Variants in HDAC4 observed in about 807,000 individuals in gnomAD.
HDAC4 encodes histone deacetylase 4, also known as histone deacetylase A.
HDAC4 carries 16 observed loss-of-function variants against 135.1 expected under a neutral mutation model. The ratio of observed to expected loss-of-function variants is 0.12; its 90% CI spans 0.08 to 0.18. HDAC4 has a LOEUF of 0.18. Among genes scored for constraint, HDAC4 ranks in the 10% least tolerant of loss-of-function variants. HDAC4 has a pLI of 1.00. For synonymous variants in HDAC4, 685 were observed against 653.4 expected (o/e 1.05, Z -0.74); for missense variants, 1,143 against 1,511.8 (o/e 0.76, Z 4.05).
chr2:239,134,493 C>G (rs1263546943), intron 10 of HDAC4, 34 bp downstream of exon 10: 3 of 1,612,788 alleles, frequency 1.9e-6, no homozygotes, highest in East Asian at 2.2e-5. Context: ...TCACCACCAC[C>G]CCACACCACA....
At chr2:239,185,768 C>T (rs907471359) in intron 4 of HDAC4, among the ~76,000 whole-genome samples, 7 of 152,176 alleles carry the variant, frequency 4.6e-5, no homozygotes, top group Non-Finnish European at 8.8e-5. Context: ...CAGTGGCTCA[C>T]GCCTGTAAAC....
chr2:239,204,048 A>G (rs941705874), intron 3 of HDAC4, among the ~76,000 whole-genome samples: 3 of 152,198 alleles, frequency 2.0e-5, no homozygotes, highest in Non-Finnish European at 4.4e-5. Flanking sequence ...AAAGCTCTTC[A>G]TAGTGTAGGA....
chr2:239,063,776 G>A (rs1179697559), intron 24 of HDAC4, among the ~76,000 whole-genome samples: 1 of 152,192 alleles, frequency 6.6e-6, no homozygotes, highest in Admixed American at 6.5e-5. Context: ...CCTGCCCTTG[G>A]CGTCCTCTAC....
rs746764988 is a variant in HDAC4 at position 239,163,849 on chromosome 2, G to T, written c.565C>A (p.Arg189=). Residue 189 remains arginine, a synonymous_variant, in exon 6 of 27, where the codon CGG becomes AGG. Coordinates refer to ENST00000543185, the MANE Select transcript of HDAC4 (RefSeq NM_001378414.1). ...CTGGAAATGCAGTGGTTCAGATTCC[G>T]GTGGGCCAGCGCCTTCTTTTTATTG... ...VLNKKKALAH[R]NLNHCISSDP... The T allele has an allele frequency of 8.1e-6, 13 of 1,614,012 alleles. No individual in the cohort carries two copies. The African/African-American group carries it at 1.6e-4, about 20-fold the overall frequency.
At chr2:239,301,000 C>A (rs1450164236) in intron 2 of HDAC4, among the ~76,000 whole-genome samples, 1 of 152,252 alleles carries the variant, frequency 6.6e-6, no homozygotes, top group African/African-American at 2.4e-5. Context: ...TCCAGAAGGA[C>A]AAGCCCTGCC....
At chr2:239,111,449 G>C in intron 14 of HDAC4, 77 bp downstream of exon 14, 1 of 1,419,004 alleles carries the variant, frequency 7.0e-7, no homozygotes, top group South Asian at 1.2e-5. Context: ...TGCAGAGCTG[G>C]GCCGGGAAGA....
At chr2:239,237,309 A>G (rs530811592) in intron 2 of HDAC4, among the ~76,000 whole-genome samples, 57 of 152,088 alleles carry the variant, frequency 3.7e-4, no homozygotes, top group Non-Finnish European at 6.3e-4. Context: ...CTGGATTTAG[A>G]CCGCCTGGGA....
intron 3 of HDAC4, among the ~76,000 whole-genome samples, chr2:239,200,930 C>T (rs2045717754): frequency 6.6e-6 from 1 of 152,166 alleles, no homozygotes; most frequent in Non-Finnish European, 1.5e-5. Flanking sequence ...CTGAGAACTG[C>T]AGCAGAGGAG....
chr2:239,084,788 A>C (rs572337103), intron 19 of HDAC4, among the ~76,000 whole-genome samples: 36 of 144,426 alleles, frequency 2.5e-4, no homozygotes, highest in African/African-American at 8.9e-4. Flanking sequence ...ACACAGACAC[A>C]CACCCCACAC....
intron 2 of HDAC4, among the ~76,000 whole-genome samples, chr2:239,284,605 A>C (rs1409038308): frequency 1.3e-5 from 2 of 152,198 alleles, no homozygotes; most frequent in African/African-American, 4.8e-5. Flanking sequence ...GGTGAAAGGC[A>C]AGATGCCCCT....
rs983913796 is a variant in HDAC4 at position 239,049,345 on chromosome 2, A to G, written c.*3752T>C. On this transcript the variant is annotated 3_prime_UTR_variant, in exon 27 of 27. Transcript: ENST00000543185. ...TGTCATGAGAGGGGAACAGAAAGGC[A>G]TTTTTCTTCTTCCCCAAAGCTGCCG... The G allele has an allele frequency of 3.3e-5, 5 of 152,524 alleles. No homozygotes were observed. Among genetic ancestry groups the G allele is most frequent in the Non-Finnish European group, 5.9e-5 (4 of 68,014 alleles). 9.4% of individuals were successfully genotyped at this position (152,524 alleles called of 1,614,324 possible).
At chr2:239,247,320 C>T (rs1177053716) in intron 2 of HDAC4, among the ~76,000 whole-genome samples, 1 of 152,240 alleles carries the variant, frequency 6.6e-6, no homozygotes, top group Non-Finnish European at 1.5e-5. Flanking sequence ...CCGCATCTAC[C>T]CTCCACCTGG....
At chr2:239,056,912 G>C (rs1291536370) in intron 24 of HDAC4, among the ~76,000 whole-genome samples, 1 of 152,212 alleles carries the variant, frequency 6.6e-6, no homozygotes, top group African/African-American at 2.4e-5. Context: ...ACTCAAACAT[G>C]AACTGAAGGG....
chr2:239,244,809 T>A (rs534179558), intron 2 of HDAC4, among the ~76,000 whole-genome samples: 5 of 152,098 alleles, frequency 3.3e-5, no homozygotes, highest in Non-Finnish European at 7.4e-5. Flanking sequence ...CTCCCTCCAC[T>A]GTGCGGCCCA....
At chr2:239,195,789 G>A (rs2045341061) in intron 3 of HDAC4, among the ~76,000 whole-genome samples, 1 of 152,238 alleles carries the variant, frequency 6.6e-6, no homozygotes, top group Non-Finnish European at 1.5e-5. Flanking sequence ...TCAGACTCCT[G>A]ACGTCAGTGA....
chr2:239,225,695 C>T (rs538364807), intron 3 of HDAC4, among the ~76,000 whole-genome samples: 2 of 151,682 alleles, frequency 1.3e-5, no homozygotes, highest in East Asian at 2.0e-4. Flanking sequence ...CTTCCTCAGG[C>T]GCCTGACTAA....
Position 239,048,927 on chromosome 2 carries a change from G to A in HDAC4, c.*4170C>T, listed in dbSNP as rs1472162646. 2.6e-5 allele frequency: 4 copies of A among 152,238 alleles called. No individual in the cohort carries two copies. Among genetic ancestry groups the A allele is most frequent in the African/African-American group, 9.6e-5 (4 of 41,476 alleles). 9.4% of individuals were successfully genotyped at this position (152,238 alleles called of 1,614,324 possible). A position where few individuals can be genotyped will look rare whatever the true frequency, so the allele number is the denominator to read the frequency against. On this transcript the variant is annotated 3_prime_UTR_variant, in exon 27 of 27. Coordinates refer to ENST00000543185, the MANE Select transcript of HDAC4 (RefSeq NM_001378414.1). ...AAGGGGACTCTTTCGAGTCCGCCCAGTTCTCAATCAGAATAAACCGTCACA... is the reference window on the plus strand; with the variant it reads ...AAGGGGACTCTTTCGAGTCCGCCCAATTCTCAATCAGAATAAACCGTCACA...
chr2:239,185,258 A>T (rs2044469962), intron 4 of HDAC4, among the ~76,000 whole-genome samples: 3 of 150,592 alleles, frequency 2.0e-5, no homozygotes, highest in Admixed American at 2.0e-4. Flanking sequence ...GTTGTGCCCT[A>T]TAGGGGTGCC....
intron 21 of HDAC4, 51 bp from the exon 22 acceptor site, chr2:239,081,243 T>C (rs2035291850): frequency 6.7e-7 from 1 of 1,497,438 alleles, no homozygotes; most frequent in African/African-American, 1.4e-5. Flanking sequence ...GCGGGACCTG[T>C]CTGACAGGAA....
Sources: gnomAD v4.1 joint callset for allele counts (sites outside exome capture counted in the v4.1 genomes callset) on GRCh38, gnomAD v4.1.1 for gene constraint, MANE v1.5 for transcripts, NCBI Gene and HGNC (gene_info 2026-07-23, HGNC 2026-07-21) for gene names.